Variants in SOX5 observed in about 807,000 individuals in gnomAD.
The protein encoded by SOX5 is SRY-box transcription factor 5.
A neutral mutation model predicts 92.0 loss-of-function variants in SOX5; 9 were observed. That is an observed-to-expected ratio of 0.10 (90% CI 0.06 to 0.17). The LOEUF is 0.17. SOX5 is among the 10% of genes least tolerant of loss of function. SOX5 has a pLI of 1.00. For missense variants in SOX5, 642 were observed against 944.5 expected, an observed-to-expected ratio of 0.68 and a Z score of 4.20; for synonymous variants, 344 against 336.3, an observed-to-expected ratio of 1.02 and a Z score of -0.25.
chr12:24,453,079 C>G (rs1277425692), intron 1 of SOX5, among the ~76,000 whole-genome samples: 1 of 152,090 alleles, frequency 6.6e-6, no homozygotes, highest in Non-Finnish European at 1.5e-5. Context: ...TTACATTAAC[C>G]TTTCTCTGAT....
chr12:24,464,605 T>A (rs185167155), intron 1 of SOX5, among the ~76,000 whole-genome samples: 1 of 152,290 alleles, frequency 6.6e-6, no homozygotes, highest in Admixed American at 6.5e-5. Flanking sequence ...CCTCCCAAAG[T>A]GCTGGGATTA....
intron 6 of SOX5, among the ~76,000 whole-genome samples, chr12:23,726,792 T>C (rs1389706340): frequency 1.3e-5 from 2 of 152,192 alleles, no homozygotes; most frequent in Admixed American, 6.5e-5. Context: ...AGAATGGCCA[T>C]ATTTACAACT....
rs183612971 is a variant in SOX5 at position 23,998,384 on chromosome 12, T to A, written c.-1-102360A>T. ...TTTGAAGATAGATCAATTGAATTTA[T>A]CTTAAGAAGGTTAGAAGAAAAAAGA... is the stretch of plus-strand genomic sequence containing the variant. On this transcript the variant is annotated intron_variant, in intron 4 of 4. Transcript: ENST00000446891. Among the ~76,000 whole-genome samples, 11 of 152,244 alleles carry A rather than the reference T, an allele frequency of 7.2e-5. No homozygotes were observed. In the East Asian group the frequency reaches 1.9e-3, roughly 27 times the overall value.
chr12:24,319,790 C>A (rs1178979539), intron 2 of SOX5, among the ~76,000 whole-genome samples: 2 of 152,174 alleles, frequency 1.3e-5, no homozygotes, highest in Non-Finnish European at 2.9e-5. Flanking sequence ...CTAAGGCCAT[C>A]ATCTTGCACT....
chr12:24,450,337 C>T (rs986728870), intron 1 of SOX5, among the ~76,000 whole-genome samples: 2 of 152,016 alleles, frequency 1.3e-5, no homozygotes, highest in African/African-American at 4.8e-5. Context: ...CAATCATCTT[C>T]TTTTTTAATT....
intron 8 of SOX5, among the ~76,000 whole-genome samples, chr12:23,624,312 T>A (rs1046150010): frequency 6.6e-6 from 1 of 152,154 alleles, no homozygotes; most frequent in African/African-American, 2.4e-5. Context: ...CTGAACTGTG[T>A]ACATAAAAAT....
chr12:23,555,816 G>A (rs778533581), intron 11 of SOX5, among the ~76,000 whole-genome samples: 4 of 151,920 alleles, frequency 2.6e-5, no homozygotes, highest in South Asian at 2.1e-4. Flanking sequence ...CTGCAGACTC[G>A]GCATGTATTT....
chr12:24,514,207 C>T (rs578088163), intron 1 of SOX5, among the ~76,000 whole-genome samples: 11 of 152,266 alleles, frequency 7.2e-5, no homozygotes, highest in African/African-American at 2.4e-4. Context: ...TTCCAGGGAA[C>T]GATTCTCAAG....
chr12:23,598,632 C>A (rs899812473), intron 9 of SOX5, among the ~76,000 whole-genome samples: 1 of 151,980 alleles, frequency 6.6e-6, no homozygotes, highest in African/African-American at 2.4e-5. Context: ...ATCTCCTGAC[C>A]TCATGATCCA....
At position 23,570,019 on chromosome 12, in the gene SOX5, G is replaced by A. The variant is rs1201727567; in HGVS notation, c.1342+5642C>T. ...CTGCCTTGATAATTCCAAATCTATT[G>A]ATAATTTCTGTCTTCTTATCAATAG... On this transcript the variant is annotated intron_variant, in intron 10 of 14. Coordinates refer to ENST00000451604, the MANE Select transcript of SOX5 (RefSeq NM_006940.6). Among the ~76,000 whole-genome samples the A allele has an allele frequency of 2.0e-5, 3 of 152,094 alleles. No homozygotes were observed. In the East Asian group the frequency reaches 5.8e-4, roughly 29 times the overall value.
intron 3 of SOX5, among the ~76,000 whole-genome samples, chr12:24,273,460 T>C (rs2140343403): frequency 6.6e-6 from 1 of 152,290 alleles, no homozygotes; most frequent in East Asian, 1.9e-4. Flanking sequence ...ATCCAACTCT[T>C]TATATTTACC....
intron 3 of SOX5, among the ~76,000 whole-genome samples, chr12:24,276,764 C>T (rs1177750971): frequency 1.3e-5 from 2 of 152,034 alleles, no homozygotes; most frequent in African/African-American, 2.4e-5. Context: ...ATTACATTTT[C>T]GTATGTATTA....
chr12:24,328,778 T>C (rs1315358601), intron 2 of SOX5, among the ~76,000 whole-genome samples: 3 of 152,238 alleles, frequency 2.0e-5, no homozygotes, highest in Non-Finnish European at 2.9e-5. Context: ...TACTTTTGCC[T>C]AAAAACTATT....
At chr12:23,725,755 A>T (rs1051195087) in intron 6 of SOX5, among the ~76,000 whole-genome samples, 4 of 152,210 alleles carry the variant, frequency 2.6e-5, no homozygotes, top group Middle Eastern at 3.2e-3. Flanking sequence ...ATCACAATTC[A>T]GCCTTTTAAA....
intron 4 of SOX5, among the ~76,000 whole-genome samples, chr12:24,018,916 C>T (rs1953979394): frequency 6.6e-6 from 1 of 152,146 alleles, no homozygotes; most frequent in East Asian, 1.9e-4. Flanking sequence ...AAATACTGCC[C>T]TTCACACAAA....
At chr12:23,960,516 T>TATATTTATATACATATATATTTATATAC (rs1946786356) in intron 4 of SOX5, among the ~76,000 whole-genome samples, 2 of 78,890 alleles carry the variant, frequency 2.5e-5, no homozygotes, top group Middle Eastern at 5.7e-3. Flanking sequence ...TTTATATACA[T>TATATTTATATACATATATATTTATATAC]ATATATATAT....
upstream of SOX5, among the ~76,000 whole-genome samples, chr12:23,951,342 C>A (rs993946363): frequency 2.0e-5 from 3 of 151,810 alleles, no homozygotes; most frequent in Non-Finnish European, 2.9e-5. Context: ...CCCTCCACTC[C>A]TTCCAACTTC....
intron 1 of SOX5, chr12:23,920,581 T>A (rs1027338185): frequency 6.6e-6 from 1 of 152,248 alleles, no homozygotes; most frequent in South Asian, 2.1e-4. Flanking sequence ...TAGAAGCTTC[T>A]TGACATTGTT....
At chr12:23,730,720 C>T (rs1389733876) in intron 6 of SOX5, among the ~76,000 whole-genome samples, 3 of 152,080 alleles carry the variant, frequency 2.0e-5, no homozygotes, top group Admixed American at 6.6e-5. Flanking sequence ...AAATAAAACC[C>T]GTTCACTTGC....
Sources: allele counts gnomAD v4.1 joint callset (sites outside exome capture counted in the v4.1 genomes callset), GRCh38; gene constraint gnomAD v4.1.1; transcripts MANE v1.5; gene names NCBI Gene and HGNC (gene_info 2026-07-23, HGNC 2026-07-21).